Variants in KCTD16 observed in about 807,000 individuals in gnomAD.
KCTD16 encodes the protein BTB/POZ domain-containing protein KCTD16.
In KCTD16, 13 loss-of-function variants were observed where a neutral mutation model predicts 33.2. That is an observed-to-expected ratio of 0.39 (90% CI 0.25 to 0.62). The LOEUF (loss-of-function observed/expected upper bound fraction) is 0.62. KCTD16 is among the 20% of genes least tolerant of loss of function. The pLI is 0.50. For synonymous variants in KCTD16, 197 were observed against 195.3 expected (o/e 1.01, Z -0.07); for missense variants, 441 against 525.1 (o/e 0.84, Z 1.57).
intron 1 of KCTD16, among the ~76,000 whole-genome samples, chr5:144,172,584 G>T (rs1272395660): frequency 6.6e-6 from 1 of 152,052 alleles, no homozygotes; most frequent in Non-Finnish European, 1.5e-5. Context: ...AATCATTTTA[G>T]CATTTATTGG....
At chr5:144,468,819 AT>A (rs1173858349) in intron 3 of KCTD16, among the ~76,000 whole-genome samples, 1 of 152,180 alleles carries the variant, frequency 6.6e-6, no homozygotes, top group Non-Finnish European at 1.5e-5. Flanking sequence ...CAGGCGGAAA[AT>A]TTGAAGTGTG....
intron 3 of KCTD16, among the ~76,000 whole-genome samples, chr5:144,355,265 A>C (rs1751546498): frequency 6.6e-6 from 1 of 152,188 alleles, no homozygotes; most frequent in African/African-American, 2.4e-5. Flanking sequence ...TATGGCCTTA[A>C]CTTTGCAGAT....
intron 2 of KCTD16, among the ~76,000 whole-genome samples, chr5:144,179,521 A>G (rs1245978642): frequency 6.6e-6 from 1 of 152,166 alleles, no homozygotes; most frequent in Non-Finnish European, 1.5e-5. Context: ...TGCCAGTCTC[A>G]TCTGTCCAGT....
At chr5:144,205,548 A>C in intron 2 of KCTD16, 1 of 398,750 alleles carries the variant, frequency 2.5e-6, no homozygotes, top group Admixed American at 4.4e-5. Context: ...CCTTGCCGGC[A>C]GGTGGGGTGG....
intron 3 of KCTD16, among the ~76,000 whole-genome samples, chr5:144,449,527 A>G (rs1472033792): frequency 2.0e-5 from 3 of 151,954 alleles, no homozygotes; most frequent in African/African-American, 7.2e-5. Context: ...ACACATACCC[A>G]CTGAATCTAA....
chr5:144,303,921 C>T (rs1218739737), intron 3 of KCTD16, among the ~76,000 whole-genome samples: 1 of 152,124 alleles, frequency 6.6e-6, no homozygotes, highest in Non-Finnish European at 1.5e-5. Context: ...ATCAACCTGG[C>T]CTATAGATGT....
chr5:144,173,687 T>C (rs1302234931), intron 1 of KCTD16, among the ~76,000 whole-genome samples: 4 of 152,186 alleles, frequency 2.6e-5, no homozygotes, highest in African/African-American at 9.7e-5. Context: ...TCTACTTCTG[T>C]CTCTGAAAGC....
At chr5:144,453,770 G>T (rs903361596) in intron 3 of KCTD16, among the ~76,000 whole-genome samples, 1 of 152,066 alleles carries the variant, frequency 6.6e-6, no homozygotes, top group African/African-American at 2.4e-5. Flanking sequence ...ATAGAAGAGG[G>T]CTGCCTCCAT....
chr5:144,323,698 G>A (rs980918817), intron 3 of KCTD16, among the ~76,000 whole-genome samples: 3 of 152,118 alleles, frequency 2.0e-5, no homozygotes, highest in Non-Finnish European at 2.9e-5. Context: ...GGGTAATTCT[G>A]CTCCCCATAG....
At chr5:144,361,055 T>G in intron 3 of KCTD16, among the ~76,000 whole-genome samples, 1 of 65,234 alleles carries the variant, frequency 1.5e-5, no homozygotes. Context: ...CCCTCCCCCC[T>G]CCCCCGACCC....
chr5:144,402,787 G>A (rs1270726308), intron 3 of KCTD16, among the ~76,000 whole-genome samples: 1 of 152,038 alleles, frequency 6.6e-6, no homozygotes, highest in Non-Finnish European at 1.5e-5. Context: ...ATAAATATCT[G>A]GTTTTTAAAA....
chr5:144,292,858 G>A (rs767671806), intron 3 of KCTD16, among the ~76,000 whole-genome samples: 39 of 152,270 alleles, frequency 2.6e-4, no homozygotes, highest in African/African-American at 4.1e-4. Flanking sequence ...CAGAGAGAGC[G>A]CTAGGATTCC....
chr5:144,416,817 TTTTGTGTC>T (rs1160916001), intron 3 of KCTD16, among the ~76,000 whole-genome samples: 1 of 152,170 alleles, frequency 6.6e-6, no homozygotes, highest in Non-Finnish European at 1.5e-5. Context: ...ACCAATCTGT[TTTTGTGTC>T]TTTGTGGATT....
At chr5:144,328,277 C>CTTCT (rs201453511) in intron 3 of KCTD16, among the ~76,000 whole-genome samples, 2,307 of 152,242 alleles carry the variant, frequency 0.015, 35 homozygotes, top group Middle Eastern at 0.034. Flanking sequence ...GATACTCAGA[C>CTTCT]AAGTTTGACA....
At chr5:144,183,383 C>T (rs554827894) in intron 2 of KCTD16, among the ~76,000 whole-genome samples, 11 of 152,238 alleles carry the variant, frequency 7.2e-5, no homozygotes, top group African/African-American at 2.6e-4. Context: ...ACAACATTTG[C>T]TGTTTGCTTA....
intron 2 of KCTD16, among the ~76,000 whole-genome samples, chr5:144,176,413 T>A (rs1186500765): frequency 2.7e-5 from 3 of 111,820 alleles, no homozygotes; most frequent in East Asian, 2.8e-4. Flanking sequence ...TTTTTTTTTT[T>A]GAGACGGAGT....
intron 3 of KCTD16, among the ~76,000 whole-genome samples, chr5:144,238,019 G>C (rs1037302801): frequency 2.0e-5 from 3 of 152,182 alleles, no homozygotes; most frequent in Non-Finnish European, 4.4e-5. Context: ...CTAGTGACTG[G>C]CATTTTTCCC....
chr5:144,382,219 G>A (rs1019707767), intron 3 of KCTD16, among the ~76,000 whole-genome samples: 3 of 152,050 alleles, frequency 2.0e-5, no homozygotes, highest in African/African-American at 7.2e-5. Context: ...ACCAAAGATC[G>A]GAATAATAGA....
chr5:144,186,008 C>T (rs941703217), intron 2 of KCTD16, among the ~76,000 whole-genome samples: 2 of 152,074 alleles, frequency 1.3e-5, no homozygotes, highest in Non-Finnish European at 2.9e-5. Flanking sequence ...CTAGGTGACC[C>T]AGTTGATGAA....
Sources: allele counts gnomAD v4.1 joint callset (sites outside exome capture counted in the v4.1 genomes callset), GRCh38; gene constraint gnomAD v4.1.1; transcripts MANE v1.5; gene names NCBI Gene and HGNC (gene_info 2026-07-23, HGNC 2026-07-21).